The following IKZF1 variants were observed in gnomAD, a reference collection of about 807,000 sequenced individuals.
IKZF1 encodes the protein DNA-binding protein Ikaros.
IKZF1 carries 10 observed loss-of-function variants against 51.7 expected under a neutral mutation model. That is an observed-to-expected ratio of 0.19 (90% CI 0.12 to 0.33). IKZF1 has a LOEUF of 0.33. Among genes scored for constraint, IKZF1 ranks in the 10% least tolerant of loss-of-function variants. IKZF1 has a pLI of 1.00. For synonymous variants in IKZF1, 280 were observed against 282.3 expected, an observed-to-expected ratio of 0.99 and a Z score of 0.08; for missense variants, 484 against 707.5, an observed-to-expected ratio of 0.68 and a Z score of 3.58.
At chr7:50,306,114 G>A (rs1271056306) in intron 1 of IKZF1, among the ~76,000 whole-genome samples, 1 of 152,256 alleles carries the variant, frequency 6.6e-6, no homozygotes, top group African/African-American at 2.4e-5. Context: ...AAATGTACAC[G>A]AGGCAAATAT....
At chr7:50,352,504 C>T (rs903518525) in intron 3 of IKZF1, among the ~76,000 whole-genome samples, 2 of 152,170 alleles carry the variant, frequency 1.3e-5, no homozygotes, top group Non-Finnish European at 2.9e-5. Context: ...ATCAGTTTTA[C>T]TTTCTTTCTC....
At position 50,400,069 on chromosome 7, in the gene IKZF1, C is replaced by G; in HGVS notation, c.1002C>G (p.Pro334=). Residue 334 remains proline (P), a synonymous_variant, in exon 8 of 8, where the codon CCC becomes CCG. Transcript: ENST00000331340. This position sits in a 1 kb window ranked among gnomAD's most constrained non-coding sequence, Gnocchi z 5.4. ...AESLRPLVQT[P]PGGSEVVPVI... is the part of the protein sequence containing the mutation. Reference sequence around the variant, plus strand: ...CCCTGCGCCCGCTGGTGCAGACGCCCCCGGGCGGTTCCGAGGTGGTCCCGG... The same window carrying G: ...CCCTGCGCCCGCTGGTGCAGACGCCGCCGGGCGGTTCCGAGGTGGTCCCGG... 1 of 1,593,326 alleles carries G rather than the reference C, an allele frequency of 6.3e-7. No homozygotes were observed. Among genetic ancestry groups the G allele is most frequent in the Non-Finnish European group, 8.5e-7 (1 of 1,171,204 alleles).
In IKZF1 at chr7:50,400,811, AT is replaced by A; in HGVS notation, c.*189del. On this transcript the variant is annotated 3_prime_UTR_variant, in exon 8 of 8. Transcript: ENST00000331340. The surrounding 1 kb of genome is among the most constrained non-coding windows in gnomAD (Gnocchi z 5.4). Reference sequence around the variant, plus strand: ...TGGGGTTTGATTTGCTTTTGAAAAGATTTTTATTTTTAGAGGCAGGGCTGCA... The same window carrying A: ...TGGGGTTTGATTTGCTTTTGAAAAGATTTTATTTTTAGAGGCAGGGCTGCA... 1 of 772,866 alleles carries A rather than the reference AT, an allele frequency of 1.3e-6. No homozygotes were observed. Among genetic ancestry groups the A allele is most frequent in the Non-Finnish European group, 2.0e-6 (1 of 497,668 alleles). The allele number at this position is 772,866 out of a possible 1,614,324, so 47.9% of individuals were successfully genotyped here. A position where few individuals can be genotyped will look rare whatever the true frequency, so the allele number is the denominator to read the frequency against.
intron 3 of IKZF1, among the ~76,000 whole-genome samples, chr7:50,332,522 T>G (rs1796635864): frequency 6.6e-6 from 1 of 151,984 alleles, no homozygotes; most frequent in Admixed American, 6.5e-5. Context: ...AGAAGAAAGA[T>G]TGCAGGCTAG....
rs1385587007 is a variant in IKZF1 at position 50,376,994 on chromosome 7, G to A, written c.421+201G>A. 26 of 811,020 alleles carry A rather than the reference G, an allele frequency of 3.2e-5. No homozygotes were observed. The Admixed American group carries it at 5.1e-4, about 16-fold the overall frequency. 50.2% of individuals were successfully genotyped at this position (811,020 alleles called of 1,614,324 possible). On this transcript the variant is annotated intron_variant, in intron 4 of 7. Transcript: ENST00000331340. This position sits in a 1 kb window ranked among gnomAD's most constrained non-coding sequence, Gnocchi z 4.5. ...AGCCTTGTAAAGGACTTCTCAACAC[G>A]TACCAATTCCACCCTATAAATAAAA...
chr7:50,310,220 A>G (rs1321439924), intron 1 of IKZF1, among the ~76,000 whole-genome samples: 1 of 152,206 alleles, frequency 6.6e-6, no homozygotes, highest in Admixed American at 6.5e-5. Flanking sequence ...GAGGTTGTGT[A>G]TGTTTGCTTG....
intron 7 of IKZF1, among the ~76,000 whole-genome samples, chr7:50,392,404 G>A (rs1815377285): frequency 2.0e-5 from 3 of 151,992 alleles, no homozygotes; most frequent in African/African-American, 7.3e-5. Context: ...AAAAGAAGAA[G>A]AAGAACAAGA....
intron 3 of IKZF1, among the ~76,000 whole-genome samples, chr7:50,330,278 C>T (rs1013651969): frequency 2.0e-5 from 3 of 152,176 alleles, no homozygotes; most frequent in African/African-American, 7.2e-5. Context: ...CCTAGAAAAC[C>T]TCTTTGCTTT....
intron 3 of IKZF1, among the ~76,000 whole-genome samples, chr7:50,352,375 T>C (rs568314771): frequency 6.6e-6 from 1 of 152,330 alleles, no homozygotes; most frequent in East Asian, 1.9e-4. Context: ...TTTTTACAAC[T>C]GTGCCTAAAG....
chr7:50,313,054 A>G (rs558195883), intron 1 of IKZF1, among the ~76,000 whole-genome samples: 6 of 152,372 alleles, frequency 3.9e-5, no homozygotes, highest in African/African-American at 1.2e-4. Flanking sequence ...TCAAATTGTT[A>G]CGAAAACCTA....
At chr7:50,329,687 G>A (rs1020597892) in intron 3 of IKZF1, among the ~76,000 whole-genome samples, 6 of 152,152 alleles carry the variant, frequency 3.9e-5, no homozygotes, top group Non-Finnish European at 7.4e-5. Flanking sequence ...TGTTCTTCCT[G>A]CTTAACACAG....
intron 7 of IKZF1, chr7:50,394,229 T>TG (rs1284343192): frequency 4.3e-6 from 1 of 232,874 alleles, no homozygotes; most frequent in African/African-American, 2.2e-5. Context: ...TGTTGGTGCT[T>TG]GGCAGTTCAT....
intron 1 of IKZF1, among the ~76,000 whole-genome samples, chr7:50,309,288 A>G (rs1236102836): frequency 2.0e-5 from 3 of 152,216 alleles, no homozygotes; most frequent in Non-Finnish European, 4.4e-5. Flanking sequence ...ATTGCACACC[A>G]AAAGTTAACT....
rs2153518258 is a variant in IKZF1, at chr7:50,400,138, C to T, written c.1071C>T (p.Gly357=). ...MYQLHKPLAE[G]TPRSNHSAQD... is the part of the protein sequence containing the mutation. ...AGCTGCACAAGCCGCTCGCGGAGGG[C>T]ACCCCGCGCTCCAACCACTCGGCCC... The change falls in exon 8 of 8, where the codon GGC becomes GGT. Residue 357 remains glycine, a synonymous_variant. Transcript: ENST00000331340. The surrounding 1 kb of genome is among the most constrained non-coding windows in gnomAD (Gnocchi z 5.4). The T allele has an allele frequency of 1.3e-6, 2 of 1,561,666 alleles. No individual in the cohort carries two copies. Among genetic ancestry groups the T allele is most frequent in the Non-Finnish European group, 8.7e-7 (1 of 1,154,688 alleles).
At chr7:50,335,442 G>GGT (rs1722579424) in intron 3 of IKZF1, among the ~76,000 whole-genome samples, 1 of 42,908 alleles carries the variant, frequency 2.3e-5, no homozygotes, top group African/African-American at 2.8e-4. Flanking sequence ...TGGGATGTGT[G>GGT]GTGTGTGTGT....
intron 3 of IKZF1, among the ~76,000 whole-genome samples, chr7:50,343,128 CCCTTTCTTTCTTCCTT>C (rs1457030337): frequency 7.1e-5 from 10 of 140,646 alleles, no homozygotes; most frequent in African/African-American, 2.6e-4. Context: ...CTCCCTCCCT[CCCTTTCTTTCTTCCTT>C]CCTTTCTTTC....
At chr7:50,372,469 G>A (rs1808997748) in intron 3 of IKZF1, among the ~76,000 whole-genome samples, 1 of 152,214 alleles carries the variant, frequency 6.6e-6, no homozygotes, top group African/African-American at 2.4e-5. Context: ...TTCAGCCCTG[G>A]AATGCTCAGC....
In IKZF1 at chr7:50,376,910, A is replaced by C; in HGVS notation, c.421+117A>C. The C allele has an allele frequency of 1.4e-6, 2 of 1,474,692 alleles. No individual in the cohort carries two copies. Among genetic ancestry groups the C allele is most frequent in the Non-Finnish European group, 9.0e-7 (1 of 1,108,624 alleles). 91.4% of individuals were successfully genotyped at this position (1,474,692 alleles called of 1,614,324 possible). On this transcript the variant is annotated intron_variant, in intron 4 of 7. Transcript: ENST00000331340. This position sits in a 1 kb window ranked among gnomAD's most constrained non-coding sequence, Gnocchi z 4.5. ...CATGTTTCTAATTGACTGGTAGCTC[A>C]GTTGTTGCAAGCGATTGGTTCCAAG...
At chr7:50,357,351 C>A (rs1235143025) in intron 3 of IKZF1, among the ~76,000 whole-genome samples, 1 of 149,774 alleles carries the variant, frequency 6.7e-6, no homozygotes, top group East Asian at 2.0e-4. Context: ...CCCCACCACC[C>A]CCCCACCGCC....
Sources: allele counts gnomAD v4.1 joint callset (sites outside exome capture counted in the v4.1 genomes callset), GRCh38; gene constraint gnomAD v4.1.1; non-coding constraint Gnocchi (gnomAD v3.1); transcripts MANE v1.5; gene names NCBI Gene and HGNC (gene_info 2026-07-23, HGNC 2026-07-21).